The following KLK14 variants were observed in gnomAD, a reference collection of about 807,000 sequenced individuals.
KLK14 encodes the protein kallikrein-14.
KLK14 carries 21 observed loss-of-function variants against 24.6 expected under a neutral mutation model. That is an observed-to-expected ratio of 0.85 (90% CI 0.61 to 1.23). The LOEUF (loss-of-function observed/expected upper bound fraction) is 1.23, where lower values mean the gene tolerates loss of function less well. Among genes scored for constraint, KLK14 ranks in the 50% most tolerant of loss-of-function variants. The pLI, the probability that KLK14 is intolerant of heterozygous loss-of-function variation, is 0.00. For synonymous variants in KLK14, 133 were observed against 139.7 expected, an observed-to-expected ratio of 0.95 and a Z score of 0.34; for missense variants, 320 against 338.9, an observed-to-expected ratio of 0.94 and a Z score of 0.44.
At chr19:51,079,737 G>T (rs11671800) in intron 3 of KLK14, 35 bp from the exon 4 acceptor site, 259,108 of 1,531,422 alleles carry the variant, frequency 0.17, 23,719 homozygotes, top group Middle Eastern at 0.23. Flanking sequence ...GCTGCTCAGG[G>T]TCTGAGCCAG....
rs1400950930 is a variant in KLK14, at chr19:51,082,787, G to GA, written c.-89_-88insT. 1.9e-6 allele frequency: 3 copies of GA among 1,606,964 alleles called. No individual in the cohort carries two copies. Among genetic ancestry groups the GA allele is most frequent in the Non-Finnish European group, 2.5e-6 (3 of 1,177,182 alleles). On this transcript the variant is annotated 5_prime_UTR_variant, in exon 1 of 6. Transcript: ENST00000650543. ...GAGGTAGGGACCAGAGACGAGGGGG[G>GA]CGGGGCCTGCAGGCTCTGCGGGCGG...
rs117229324 is a variant in KLK14, at chr19:51,082,721, C to T, written c.-23+1G>A. The T allele has an allele frequency of 0.015, 24,130 of 1,613,948 alleles. 255 individuals carry two copies. Among genetic ancestry groups the T allele is most frequent in the South Asian group, 0.035 (3,171 of 91,062 alleles). On this transcript the variant is annotated splice_donor_variant, in intron 1 of 5. Coordinates refer to ENST00000650543, the MANE Select transcript of KLK14 (RefSeq NM_001369775.2). LOFTEE classifies it low-confidence loss of function (5UTR_SPLICE). ...AGGCAGAGACAGCAAGGGGCACTTACCCAGAGCCCAAGACCCTCAGGGACA... is the reference window on the plus strand; with the variant it reads ...AGGCAGAGACAGCAAGGGGCACTTATCCAGAGCCCAAGACCCTCAGGGACA...
rs2091815416 is a variant in KLK14 at position 51,078,191 on chromosome 19, A to G, written c.604-32T>C. On this transcript the variant is annotated intron_variant, in intron 5 of 5. Coordinates refer to ENST00000650543, the MANE Select transcript of KLK14 (RefSeq NM_001369775.2). The surrounding 1 kb of genome is among the most constrained non-coding windows in gnomAD (Gnocchi z 5.0). The stretch of plus-strand genomic sequence containing the variant: ...GGGAGGAACAGAAATGGAGACACTG[A>G]TGGACAGGTAGCCAGAGCCACCATG... 6.2e-7 allele frequency: 1 copy of G among 1,608,138 alleles called. No homozygotes were observed.
At chr19:51,083,254 T>TGAGAGAGGGAGTCACGGGAGGAGG (rs2091851337), upstream of KLK14, among the ~76,000 whole-genome samples, 1 of 125,176 alleles carries the variant, frequency 8.0e-6, no homozygotes, top group African/African-American at 3.1e-5. Context: ...AGAGATGGAC[T>TGAGAGAGGGAGTCACGGGAGGAGG]GAGAGAGGGA....
At chr19:51,080,127 A>G (rs546897538) in intron 3 of KLK14, among the ~76,000 whole-genome samples, 2 of 152,258 alleles carry the variant, frequency 1.3e-5, no homozygotes, top group African/African-American at 4.8e-5. Flanking sequence ...TTTTGACTCT[A>G]TGCTAAGATC....
In KLK14 at chr19:51,080,025, G is replaced by A. The variant is rs560546705; in HGVS notation, c.213-323C>T. 5.3e-5 allele frequency among the ~76,000 whole-genome samples: 8 copies of A among 152,318 alleles called. No individual in the cohort carries two copies. The East Asian group carries it at 5.8e-4, about 11-fold the overall frequency. On this transcript the variant is annotated intron_variant, in intron 3 of 5. Coordinates refer to ENST00000650543, the MANE Select transcript of KLK14 (RefSeq NM_001369775.2). ...TGCATTGAGTCCTAAGCGAAACTGCGTTATGAGTCTAGGCTCTAAATCGGA... is the reference window on the plus strand; with the variant it reads ...TGCATTGAGTCCTAAGCGAAACTGCATTATGAGTCTAGGCTCTAAATCGGA...
chr19:51,083,378 A>T (rs2091852959), upstream of KLK14, among the ~76,000 whole-genome samples: 1 of 114,586 alleles, frequency 8.7e-6, no homozygotes, highest in Non-Finnish European at 1.7e-5. Context: ...AGACAGGGTG[A>T]CGGGGGGGAG....
chr19:51,080,412 T>C lies in KLK14; in HGVS notation c.213-710A>G, dbSNP rs550454219. ...TCTGGCCCTAGCCCTTGACCTCAGG[T>C]TGGGCTCTGGGTTCTAGTTGGAGCT... On this transcript the variant is annotated intron_variant, in intron 3 of 5. Coordinates refer to ENST00000650543, the MANE Select transcript of KLK14 (RefSeq NM_001369775.2). Among the ~76,000 whole-genome samples, 6 of 152,302 alleles carry C rather than the reference T, an allele frequency of 3.9e-5. No homozygotes were observed. In the South Asian group the frequency reaches 8.3e-4, roughly 21 times the overall value.
At chr19:51,082,480 T>C in intron 2 of KLK14, 95 bp downstream of exon 2, 1 of 1,130,638 alleles carries the variant, frequency 8.8e-7, no homozygotes, top group Non-Finnish European at 1.3e-6. Context: ...TCTTATGAGG[T>C]CACCATGAGC....
Position 51,082,768 on chromosome 19 carries a change from G to A in KLK14, c.-69C>T, listed in dbSNP as rs755876913. 3.1e-6 allele frequency: 5 copies of A among 1,612,618 alleles called. No individual in the cohort carries two copies. In the Admixed American group the frequency reaches 6.7e-5, roughly 22 times the overall value. ...GACATGAAGACACAGCAGAGAGGTAGGGACCAGAGACGAGGGGGGCGGGGC... is the reference window on the plus strand; with the variant it reads ...GACATGAAGACACAGCAGAGAGGTAAGGACCAGAGACGAGGGGGGCGGGGC... On this transcript the variant is annotated 5_prime_UTR_variant, in exon 1 of 6. Coordinates refer to ENST00000650543, the MANE Select transcript of KLK14 (RefSeq NM_001369775.2).
upstream of KLK14, among the ~76,000 whole-genome samples, chr19:51,083,033 C>T (rs969941507): frequency 7.2e-5 from 11 of 151,918 alleles, no homozygotes; most frequent in Non-Finnish European, 1.2e-4. Flanking sequence ...CCTCCCTCCC[C>T]TGTCTGGCCA....
At chr19:51,080,736 C>A (rs1318952559) in intron 3 of KLK14, among the ~76,000 whole-genome samples, 1 of 152,062 alleles carries the variant, frequency 6.6e-6, no homozygotes, top group Non-Finnish European at 1.5e-5. Context: ...TGCAATGGTG[C>A]GATCTTGACT....
Position 51,079,692 on chromosome 19 carries a change from C to T in KLK14, c.223G>A (p.Val75Ile). ...CTCAGGTTGTGCTTGCCCAGGGCAA[C>T]CTGAAGGATCCTGGCCACGACCCCC... ...AAHCGRPILQ[V>I]ALGKHNLRRW... Residue 75 changes from valine (V) to isoleucine (I), a missense_variant, in exon 4 of 6, where the codon GTT becomes ATT. Coordinates refer to ENST00000650543, the MANE Select transcript of KLK14 (RefSeq NM_001369775.2). 15 of 1,557,536 alleles carry T rather than the reference C, an allele frequency of 9.6e-6. No individual in the cohort carries two copies. Among genetic ancestry groups the T allele is most frequent in the Non-Finnish European group, 1.3e-5 (15 of 1,151,598 alleles).
At position 51,078,840 on chromosome 19, in the gene KLK14, G is replaced by A. The variant is rs1371707752; in HGVS notation, c.578C>T (p.Pro193Leu). 1 of 1,613,852 alleles carries A rather than the reference G, an allele frequency of 6.2e-7. No homozygotes were observed. Among genetic ancestry groups the A allele is most frequent in the Middle Eastern group, 1.7e-4 (1 of 6,052 alleles). ...ITPGMVCAGV[P>L]QGGKDSCQGD... ...CTGACAAGAGTCCTTCCCGCCCTGG[G>A]GAACTCCTGCACAGACCATGCCAGG... Residue 193 changes from proline (P) to leucine (L), a missense_variant, in exon 5 of 6, where the codon CCC (proline) becomes CTC (leucine). By Grantham distance (98) the Pro-to-Leu change is moderately conservative. Transcript: ENST00000650543. The surrounding 1 kb of genome is among the most constrained non-coding windows in gnomAD (Gnocchi z 5.0).
rs1175064171 is a variant in KLK14, at chr19:51,082,798, A to G, written c.-99T>C. 1 of 1,601,012 alleles carries G rather than the reference A, an allele frequency of 6.2e-7. No homozygotes were observed. Among genetic ancestry groups the G allele is most frequent in the South Asian group, 1.1e-5 (1 of 89,876 alleles). ...CAGAGACGAGGGGGGCGGGGCCTGC[A>G]GGCTCTGCGGGCGGCAGGTGGGAGG... On this transcript the variant is annotated 5_prime_UTR_variant, in exon 1 of 6. Transcript: ENST00000650543.
rs2091818022 is a variant in KLK14, at chr19:51,078,711, T to C, written c.603+104A>G. The C allele has an allele frequency of 6.9e-7, 1 of 1,454,086 alleles. No homozygotes were observed. Among genetic ancestry groups the C allele is most frequent in the South Asian group, 1.3e-5 (1 of 76,298 alleles). 90.1% of individuals were successfully genotyped at this position (1,454,086 alleles called of 1,614,324 possible). A position where few individuals can be genotyped will look rare whatever the true frequency, so the allele number is the denominator to read the frequency against. ...ATCGGAATCTCTCTGTGCCTGCGGT[T>C]CACTCTCTTCTGAAGACCTCTGCAG... On this transcript the variant is annotated intron_variant, in intron 5 of 5. Transcript: ENST00000650543. This position sits in a 1 kb window ranked among gnomAD's most constrained non-coding sequence, Gnocchi z 5.0.
chr19:51,080,371 G>C (rs1020471734), intron 3 of KLK14, among the ~76,000 whole-genome samples: 21 of 152,020 alleles, frequency 1.4e-4, no homozygotes, highest in African/African-American at 4.8e-4. Context: ...GGATTATAGG[G>C]CTCTTGGTTC....
downstream of KLK14, among the ~76,000 whole-genome samples, chr19:51,077,688 G>A (rs1386739653): frequency 6.9e-6 from 1 of 144,216 alleles, no homozygotes; most frequent in Admixed American, 6.9e-5. Context: ...CTGGATTCCT[G>A]GGTCTGAGGG....
chr19:51,079,727 G>A lies in KLK14; in HGVS notation c.213-25C>T, dbSNP rs770972521. ...CCTGGCCACGACCCCCAAGAGAAGC[G>A]CTGCTCAGGGTCTGAGCCAGAGACT... On this transcript the variant is annotated intron_variant, in intron 3 of 5. Coordinates refer to ENST00000650543, the MANE Select transcript of KLK14 (RefSeq NM_001369775.2). 3.0e-5 allele frequency: 46 copies of A among 1,539,824 alleles called. No homozygotes were observed. The African/African-American group carries it at 3.3e-4, about 11-fold the overall frequency.
Sources: gnomAD v4.1 joint callset for allele counts (sites outside exome capture counted in the v4.1 genomes callset) on GRCh38, gnomAD v4.1.1 for gene constraint, Gnocchi (gnomAD v3.1) non-coding constraint, MANE v1.5 for transcripts, NCBI Gene and HGNC (gene_info 2026-07-23, HGNC 2026-07-21) for gene names.